Variants in MGAT5 observed in about 807,000 individuals in gnomAD.
MGAT5 encodes the protein alpha-1,6-mannosylglycoprotein 6-beta-N-acetylglucosaminyltransferase.
Under a neutral mutation model 94.3 loss-of-function variants are expected in MGAT5, and 30 were observed. The ratio of observed to expected loss-of-function variants is 0.32; its 90% CI spans 0.24 to 0.43. The LOEUF (loss-of-function observed/expected upper bound fraction) is 0.43. Among genes scored for constraint, MGAT5 ranks in the 20% least tolerant of loss-of-function variants. MGAT5 has a pLI of 1.00. For missense variants in MGAT5, 691 were observed against 905.5 expected (o/e 0.76, Z 3.04); for synonymous variants, 310 against 322.9 (o/e 0.96, Z 0.43).
intron 4 of MGAT5, among the ~76,000 whole-genome samples, chr2:134,334,225 T>C (rs1322835306): frequency 6.6e-6 from 1 of 152,158 alleles, no homozygotes; most frequent in Non-Finnish European, 1.5e-5. Flanking sequence ...CAGGCTTCTG[T>C]AGGGAAGTCA....
At chr2:134,123,784 A>G (rs942229702) in intron 1 of MGAT5, among the ~76,000 whole-genome samples, 3 of 152,198 alleles carry the variant, frequency 2.0e-5, no homozygotes, top group African/African-American at 7.2e-5. Context: ...AAATAATTTT[A>G]TACGGGGGGA....
At chr2:134,439,436 C>T (rs898213801) in intron 14 of MGAT5, among the ~76,000 whole-genome samples, 1 of 152,192 alleles carries the variant, frequency 6.6e-6, no homozygotes, top group African/African-American at 2.4e-5. Context: ...GTGGCTCACA[C>T]CTGTAATCCC....
chr2:134,272,747 G>T (rs557286634), intron 2 of MGAT5, among the ~76,000 whole-genome samples: 2 of 152,292 alleles, frequency 1.3e-5, no homozygotes, highest in South Asian at 4.1e-4. Context: ...GGTGACTGTT[G>T]GTACTGGAGT....
At chr2:134,135,465 G>A (rs564262069) in intron 1 of MGAT5, among the ~76,000 whole-genome samples, 2 of 151,966 alleles carry the variant, frequency 1.3e-5, no homozygotes, top group South Asian at 2.1e-4. Context: ...AGGCAGAGGC[G>A]GGCGGATCAC....
intron 2 of MGAT5, among the ~76,000 whole-genome samples, chr2:134,292,413 A>C (rs1339721416): frequency 6.6e-6 from 1 of 152,210 alleles, no homozygotes; most frequent in African/African-American, 2.4e-5. Context: ...CGGGTCCCTC[A>C]GTTCACAGGT....
chr2:134,249,220 C>CT (rs112989069), upstream of MGAT5, among the ~76,000 whole-genome samples: 445 of 142,184 alleles, frequency 3.1e-3, 2 homozygotes, highest in Middle Eastern at 0.018. Flanking sequence ...TTTCTTTTTT[C>CT]TTTTTTTTTT....
chr2:134,379,802 C>T (rs1479813050), intron 10 of MGAT5, among the ~76,000 whole-genome samples: 1 of 152,208 alleles, frequency 6.6e-6, no homozygotes, highest in Non-Finnish European at 1.5e-5. Flanking sequence ...TGTTTCATCC[C>T]CTCTTGATAA....
intron 10 of MGAT5, among the ~76,000 whole-genome samples, chr2:134,396,609 G>T (rs1488548836): frequency 6.6e-6 from 1 of 152,168 alleles, no homozygotes; most frequent in East Asian, 1.9e-4. Flanking sequence ...AAGCTCGTTT[G>T]CTGGAAGCAG....
At chr2:134,200,782 G>A (rs765098118) in intron 1 of MGAT5, among the ~76,000 whole-genome samples, 30 of 152,236 alleles carry the variant, frequency 2.0e-4, no homozygotes, top group Non-Finnish European at 3.2e-4. Flanking sequence ...GTCTTGGGAG[G>A]CCAAGATGGA....
chr2:134,259,486 C>T (rs971352482), intron 1 of MGAT5, among the ~76,000 whole-genome samples: 2 of 152,196 alleles, frequency 1.3e-5, no homozygotes, highest in Non-Finnish European at 2.9e-5. Flanking sequence ...GACATTTCCC[C>T]TTATGGTCCA....
At chr2:134,301,360 T>C (rs1420144129) in intron 2 of MGAT5, among the ~76,000 whole-genome samples, 2 of 152,174 alleles carry the variant, frequency 1.3e-5, no homozygotes, top group African/African-American at 4.8e-5. Context: ...TTTTTCTAAG[T>C]AGTAGATTCT....
intron 10 of MGAT5, among the ~76,000 whole-genome samples, chr2:134,398,504 A>G (rs960534766): frequency 1.3e-5 from 2 of 152,168 alleles, no homozygotes; most frequent in South Asian, 2.1e-4. Flanking sequence ...CAGGAGAAAT[A>G]TGTGTGTCTG....
intron 1 of MGAT5, among the ~76,000 whole-genome samples, chr2:134,145,446 C>T (rs564737404): frequency 1.3e-5 from 2 of 151,946 alleles, no homozygotes; most frequent in Non-Finnish European, 2.9e-5. Context: ...CTTGGGAGGC[C>T]GAGGCAGGAG....
intron 1 of MGAT5, among the ~76,000 whole-genome samples, chr2:134,162,752 T>C (rs1687794257): frequency 6.6e-6 from 1 of 152,214 alleles, no homozygotes; most frequent in South Asian, 2.1e-4. Context: ...GGATGCCTAC[T>C]ATGCACCAGA....
intron 10 of MGAT5, among the ~76,000 whole-genome samples, chr2:134,393,712 T>C (rs1021464822): frequency 6.6e-6 from 1 of 152,186 alleles, no homozygotes; most frequent in Non-Finnish European, 1.5e-5. Context: ...TTTATTATTT[T>C]ACAGTAAATT....
chr2:134,354,176 G>A (rs923921564), intron 9 of MGAT5, among the ~76,000 whole-genome samples: 2 of 152,182 alleles, frequency 1.3e-5, no homozygotes, highest in African/African-American at 2.4e-5. Context: ...ATATGAGCTG[G>A]ATAGTAATCA....
chr2:134,181,146 C>G lies in MGAT5; in HGVS notation c.-143+60855C>G, dbSNP rs757375342. 1.6e-3 allele frequency among the ~76,000 whole-genome samples: 247 copies of G among 152,298 alleles called. 3 individuals are homozygous for G. The highest frequency in any genetic ancestry group is 3.9e-3 in the Admixed American group (59 of 15,300). On this transcript the variant is annotated intron_variant, in intron 1 of 16. Transcript: ENST00000409645. ...TTCCAAAGATGTTCTAACAGTGACT[C>G]TCAACCAGGGACAATTTTGTTCTCC... is the stretch of plus-strand genomic sequence containing the variant.
At chr2:134,309,872 T>G (rs190957511) in intron 2 of MGAT5, among the ~76,000 whole-genome samples, 1 of 152,302 alleles carries the variant, frequency 6.6e-6, no homozygotes, top group Admixed American at 6.5e-5. Context: ...TCGACAATTC[T>G]GCCATAAAAT....
intron 2 of MGAT5, among the ~76,000 whole-genome samples, chr2:134,307,234 C>T (rs4144831): frequency 0.62 from 94,432 of 151,990 alleles, 30,414 homozygotes; most frequent in Non-Finnish European, 0.69. Context: ...TTAATTTGTT[C>T]TGAAGACCTT....
Sources: allele counts gnomAD v4.1 joint callset (sites outside exome capture counted in the v4.1 genomes callset), GRCh38; gene constraint gnomAD v4.1.1; transcripts MANE v1.5; gene names NCBI Gene and HGNC (gene_info 2026-07-23, HGNC 2026-07-21).